BIRC3: variants seen among roughly 807,000 people sequenced by gnomAD.
BIRC3 encodes baculoviral IAP repeat containing 3, also known as baculoviral IAP repeat-containing protein 3.
In BIRC3, 26 loss-of-function variants were observed where a neutral mutation model predicts 59.0. The observed-to-expected ratio is 0.44, with a 90% confidence interval of 0.32 to 0.61. BIRC3 has a LOEUF of 0.61. Among genes scored for constraint, BIRC3 ranks in the 20% least tolerant of loss-of-function variants. The pLI is 0.04. For synonymous variants in BIRC3, 243 were observed against 249.2 expected (o/e 0.98, Z 0.24); for missense variants, 641 against 711.5 (o/e 0.90, Z 1.13).
At chr11:102,332,148 A>G (rs1400336472) in intron 6 of BIRC3, among the ~76,000 whole-genome samples, 3 of 152,190 alleles carry the variant, frequency 2.0e-5, no homozygotes, top group African/African-American at 4.8e-5. Flanking sequence ...AAACGTATCC[A>G]CTATGTTCTC....
chr11:102,326,291 GC>G (rs960694400), intron 3 of BIRC3, among the ~76,000 whole-genome samples: 4 of 152,178 alleles, frequency 2.6e-5, no homozygotes, highest in Admixed American at 1.3e-4. Flanking sequence ...GAAATGCCAG[GC>G]AGGTTACAAT....
intron 5 of BIRC3, 45 bp downstream of exon 5, chr11:102,328,990 T>C: frequency 1.8e-6 from 2 of 1,108,954 alleles, no homozygotes; most frequent in Non-Finnish European, 2.5e-6. Context: ...TAGAGTCATT[T>C]GGTACTGTTA....
chr11:102,329,730 T>G (rs1951120066), intron 5 of BIRC3, among the ~76,000 whole-genome samples: 1 of 152,072 alleles, frequency 6.6e-6, no homozygotes, highest in Admixed American at 6.6e-5. Context: ...AGTTGGGAAT[T>G]GAACAATGAG....
Position 102,336,776 on chromosome 11 carries a change from A to C in BIRC3, c.1596A>C (p.Lys532Asn). 6.2e-7 allele frequency: 1 copy of C among 1,607,994 alleles called. No individual in the cohort carries two copies. The highest frequency in any genetic ancestry group is 8.5e-7 in the Non-Finnish European group (1 of 1,177,204). The change falls in exon 8 of 9, where the codon AAA becomes AAC. Residue 532 changes from lysine to asparagine, a missense_variant. Around this residue, in one of 4 missense-constraint regions of BIRC3, gnomAD observed 268 missense variants for 255.7 expected, o/e 1.05. Transcript: ENST00000263464. ...CTCCCTTAGTGCAACAGGACATAAA[A>C]TATATTCCCACAGAAGATGTTTCAG... ...YEHLFVQQDI[K>N]YIPTEDVSDL...
intron 3 of BIRC3, among the ~76,000 whole-genome samples, chr11:102,325,793 T>C (rs929203474): frequency 6.6e-6 from 1 of 151,918 alleles, no homozygotes; most frequent in African/African-American, 2.4e-5. Context: ...AATATATATA[T>C]ATTTAAATAA....
In BIRC3 at chr11:102,325,094, C is replaced by T. The variant is rs1424312917; in HGVS notation, c.585C>T (p.Tyr195=). Residue 195 remains tyrosine, a synonymous_variant, in exon 2 of 9, where the codon TAC becomes TAT. Transcript: ENST00000263464. ...CAGATCTGGCAAAAGCAGGCTTTTA[C>T]TACATAGGACCTGGAGACAGAGTGG... ...SPTDLAKAGF[Y]YIGPGDRVAC... The T allele has an allele frequency of 1.2e-6, 2 of 1,614,202 alleles. No homozygotes were observed. The highest frequency in any genetic ancestry group is 3.3e-5 in the Admixed American group (2 of 60,016).
intron 6 of BIRC3, 127 bp downstream of exon 6, chr11:102,331,368 G>C: frequency 9.8e-7 from 1 of 1,023,588 alleles, no homozygotes; most frequent in Non-Finnish European, 1.3e-6. Flanking sequence ...TTCATGTTTA[G>C]TATTCTGAAT....
rs529571903 is a variant in BIRC3, at chr11:102,321,128, A to G, written c.-2673-709A>G. On this transcript the variant is annotated intron_variant, in intron 1 of 8. Transcript: ENST00000263464. ...TGAGGCATGCAGATTAATCTACAGC[A>G]TGGTACAATGTGAATTTTCTGGTTT... Among the ~76,000 whole-genome samples the G allele has an allele frequency of 3.9e-4, 59 of 152,376 alleles. 2 individuals carry two copies. The South Asian group carries it at 0.012, about 30-fold the overall frequency.
intron 1 of BIRC3, among the ~76,000 whole-genome samples, chr11:102,318,161 C>T (rs1950992544): frequency 6.6e-6 from 1 of 152,166 alleles, no homozygotes; most frequent in African/African-American, 2.4e-5. Flanking sequence ...CTGCTACCTG[C>T]TATGTGCTAG....
At chr11:102,336,504 G>A (rs1951198118) in intron 7 of BIRC3, 1 of 558,346 alleles carries the variant, frequency 1.8e-6, no homozygotes, top group African/African-American at 1.9e-5. Context: ...TGAGGTGGGA[G>A]GATGGCTTAA....
intron 3 of BIRC3, 112 bp downstream of exon 3, chr11:102,325,677 A>G: frequency 1.2e-5 from 13 of 1,076,888 alleles, no homozygotes; most frequent in Non-Finnish European, 1.6e-5. Context: ...TATATTTGTG[A>G]ATAAGTTTAG....
rs1951209324 is a variant in BIRC3, at chr11:102,337,531, C to T, written c.*429C>T. The T allele has an allele frequency of 2.6e-6, 1 of 390,208 alleles. No individual in the cohort carries two copies. The highest frequency in any genetic ancestry group is 1.4e-4 in the South Asian group (1 of 7,148). 24.2% of individuals were successfully genotyped at this position (390,208 alleles called of 1,614,324 possible). ...TTACTTGAGCCCAGGAGTTTGAATC[C>T]ATCCTGGGCAGCATACTGAGACCCT... On this transcript the variant is annotated 3_prime_UTR_variant, in exon 9 of 9. Transcript: ENST00000263464.
intron 6 of BIRC3, among the ~76,000 whole-genome samples, chr11:102,333,216 A>G (rs1951162482): frequency 6.6e-6 from 1 of 152,102 alleles, no homozygotes; most frequent in Non-Finnish European, 1.5e-5. Flanking sequence ...TTTCCCAAGA[A>G]TAGTAGGGAT....
At chr11:102,318,226 A>G (rs543779513) in intron 1 of BIRC3, among the ~76,000 whole-genome samples, 2 of 152,352 alleles carry the variant, frequency 1.3e-5, no homozygotes, top group Admixed American at 1.3e-4. Context: ...CATAATCTTA[A>G]GAAGCAGGTA....
intron 6 of BIRC3, among the ~76,000 whole-genome samples, chr11:102,333,342 C>A (rs969863605): frequency 6.6e-6 from 1 of 151,564 alleles, no homozygotes; most frequent in African/African-American, 2.4e-5. Flanking sequence ...GCAGGCAGAT[C>A]GCTTAAGCCC....
chr11:102,339,068 C>T lies in BIRC3; in HGVS notation c.*1966C>T, dbSNP rs1013057422. On this transcript the variant is annotated 3_prime_UTR_variant, in exon 9 of 9. Coordinates refer to ENST00000263464, the MANE Select transcript of BIRC3 (RefSeq NM_001165.5). Reference sequence around the variant, plus strand: ...CCTTGAAATGCAATTGATTTTGCCTCTGCTAAGAGGCTCTGCTGGCTACCC... The same window carrying T: ...CCTTGAAATGCAATTGATTTTGCCTTTGCTAAGAGGCTCTGCTGGCTACCC... 2.4e-4 allele frequency: 50 copies of T among 210,082 alleles called. No individual in the cohort carries two copies. Among genetic ancestry groups the T allele is most frequent in the Non-Finnish European group, 4.5e-4 (47 of 103,524 alleles). The allele number at this position is 210,082 out of a possible 1,614,324, so 13.0% of individuals were successfully genotyped here.
At chr11:102,335,702 T>A (rs180726607) in intron 6 of BIRC3, among the ~76,000 whole-genome samples, 1 of 152,086 alleles carries the variant, frequency 6.6e-6, no homozygotes, top group Non-Finnish European at 1.5e-5. Context: ...GTCTGGTCTC[T>A]GACTCCAGGG....
chr11:102,321,700 A>G (rs1951032361), intron 1 of BIRC3, 137 bp from the exon 2 acceptor site: 1 of 160,478 alleles, frequency 6.2e-6, no homozygotes, highest in Admixed American at 6.5e-5. Context: ...AGTGCCTAGT[A>G]AAGCACCTGA....
chr11:102,336,210 G>A lies in BIRC3; in HGVS notation c.1569G>A (p.Glu523=). The A allele has an allele frequency of 3.8e-6, 6 of 1,590,916 alleles. No individual in the cohort carries two copies. Among genetic ancestry groups the A allele is most frequent in the Non-Finnish European group, 5.1e-6 (6 of 1,169,156 alleles). The part of the protein sequence containing the change: ...SLQEAEAVLY[E]HLFVQQDIKY... ...AAGAAGCTGAAGCTGTGTTATATGA[G>A]CATTTATTTGGTGAGTGATAGAAAA... Residue 523 remains glutamate, a synonymous_variant, in exon 7 of 9, where the codon GAG becomes GAA. Coordinates refer to ENST00000263464, the MANE Select transcript of BIRC3 (RefSeq NM_001165.5).
Sources: gnomAD v4.1 joint callset for allele counts (sites outside exome capture counted in the v4.1 genomes callset) on GRCh38, gnomAD v4.1.1 for gene constraint, gnomAD v4.1.1 regional missense constraint, MANE v1.5 for transcripts, NCBI Gene and HGNC (gene_info 2026-07-23, HGNC 2026-07-21) for gene names.